The following LARGE1 variants were observed in gnomAD, a reference collection of about 807,000 sequenced individuals.
LARGE1 encodes LARGE xylosyl- and glucuronyltransferase 1.
A neutral mutation model predicts 87.6 loss-of-function variants in LARGE1; 43 were observed. The ratio of observed to expected loss-of-function variants is 0.49; its 90% CI spans 0.38 to 0.63. LARGE1 has a LOEUF of 0.63. LARGE1 is among the 30% of genes least tolerant of loss of function. The probability of loss-of-function intolerance (pLI) is 0.00; values close to 1 mark genes in which losing one functional copy is unlikely to be tolerated. For missense variants in LARGE1, 802 were observed against 1,000.2 expected (o/e 0.80, Z 2.67); for synonymous variants, 434 against 394.6 (o/e 1.10, Z -1.18).
intron 1 of LARGE1, among the ~76,000 whole-genome samples, chr22:33,916,203 C>T (rs1306149237): frequency 4.6e-5 from 7 of 152,050 alleles, no homozygotes; most frequent in Non-Finnish European, 8.8e-5. Context: ...ATTGCTTGAA[C>T]CCGGGAGGCG....
intron 12 of LARGE1, among the ~76,000 whole-genome samples, chr22:33,293,289 C>G (rs1293529537): frequency 6.6e-6 from 1 of 152,146 alleles, no homozygotes; most frequent in African/African-American, 2.4e-5. Flanking sequence ...GTTTCAAGCC[C>G]CATGCTAAGT....
chr22:33,495,875 G>A (rs2070090235), intron 6 of LARGE1, among the ~76,000 whole-genome samples: 1 of 152,214 alleles, frequency 6.6e-6, no homozygotes, highest in South Asian at 2.1e-4. Context: ...CTCCTATGTT[G>A]AAATCTAGTC....
chr22:33,719,678 G>A (rs537445299), intron 2 of LARGE1, among the ~76,000 whole-genome samples: 26 of 151,872 alleles, frequency 1.7e-4, no homozygotes, highest in South Asian at 8.3e-4. Flanking sequence ...CCACCACAAC[G>A]CCTGGCTAAT....
chr22:33,265,529 C>T (rs778929104), intron 11 of LARGE1, among the ~76,000 whole-genome samples: 24 of 152,076 alleles, frequency 1.6e-4, no homozygotes, highest in Non-Finnish European at 2.9e-4. Flanking sequence ...TTCCATGATC[C>T]CCGGCCTGGA....
At chr22:33,083,021 G>A in the LARGE1 span, among the ~76,000 whole-genome samples, 26 of 152,086 alleles carry the variant, frequency 1.7e-4, no homozygotes, top group Non-Finnish European at 2.4e-4. Flanking sequence ...TGAAGACTCC[G>A]TCTCAAAATA....
intron 6 of LARGE1, among the ~76,000 whole-genome samples, chr22:33,497,819 C>G (rs5754577): frequency 0.3 from 45,063 of 152,090 alleles, 7,063 homozygotes; most frequent in African/African-American, 0.38. Flanking sequence ...TTGCGTACTT[C>G]ATCTCAGTTC....
chr22:33,381,723 A>G (rs1178399161), intron 9 of LARGE1, among the ~76,000 whole-genome samples, 196 bp downstream of exon 9: 1 of 152,168 alleles, frequency 6.6e-6, no homozygotes, highest in Non-Finnish European at 1.5e-5. Flanking sequence ...AGGAGGCTTT[A>G]GGCTTTCCAG....
chr22:33,633,602 C>T (rs240601), intron 3 of LARGE1, among the ~76,000 whole-genome samples: 75,869 of 152,104 alleles, frequency 0.5, 20,918 homozygotes, highest in Middle Eastern at 0.67. Context: ...TTCTCTTGCC[C>T]ACAGGGCCTG....
In LARGE1 at chr22:33,699,152, A is replaced by C. The variant is rs1051162074; in HGVS notation, c.107-48484T>G. ...GTGAAAACATCTGCTCGGCAAGTAG[A>C]GAGCATTTTACAAGCTTTATTGTTT... On this transcript the variant is annotated intron_variant, in intron 2 of 14. Transcript: ENST00000397394. 1.5e-4 allele frequency among the ~76,000 whole-genome samples: 23 copies of C among 152,340 alleles called. 2 individuals are homozygous for C. Among genetic ancestry groups the C allele is most frequent in the African/African-American group, 3.1e-4 (13 of 41,584 alleles).
chr22:33,580,149 T>G lies in LARGE1; in HGVS notation c.616-15130A>C, dbSNP rs142936462. Among the ~76,000 whole-genome samples, 625 of 151,872 alleles carry G rather than the reference T, an allele frequency of 4.1e-3. 6 individuals carry two copies. The highest frequency in any genetic ancestry group is 0.014 in the African/African-American group (591 of 41,396). On this transcript the variant is annotated intron_variant, in intron 5 of 14. Transcript: ENST00000397394. The stretch of plus-strand genomic sequence containing the variant: ...ACTTTGGGAGGCCAAGGGGGGCAGA[T>G]CACCTGAGCTCGGGAGTTTGAGACC...
intron 2 of LARGE1, among the ~76,000 whole-genome samples, chr22:33,749,126 T>C (rs770960185): frequency 2.0e-5 from 3 of 152,242 alleles, no homozygotes; most frequent in Non-Finnish European, 4.4e-5. Context: ...CTCTCCTCTT[T>C]TTTTTGAGAT....
intron 9 of LARGE1, among the ~76,000 whole-genome samples, chr22:33,365,918 C>T (rs2064571188): frequency 6.6e-6 from 1 of 152,082 alleles, no homozygotes; most frequent in Non-Finnish European, 1.5e-5. Flanking sequence ...ACCTGGCCTG[C>T]TTTTCTCTTT....
chr22:33,441,637 T>C (rs2067482630), intron 6 of LARGE1, among the ~76,000 whole-genome samples: 1 of 152,036 alleles, frequency 6.6e-6, no homozygotes, highest in Non-Finnish European at 1.5e-5. Context: ...AAATTTTTTT[T>C]TGTAGACATG....
chr22:33,850,649 G>A (rs895813114), intron 1 of LARGE1, among the ~76,000 whole-genome samples: 4 of 151,984 alleles, frequency 2.6e-5, no homozygotes, highest in East Asian at 1.9e-4. Context: ...TCTTTAATAC[G>A]GTAGACTTTA....
chr22:33,453,086 A>C (rs573463037), intron 6 of LARGE1, among the ~76,000 whole-genome samples: 3 of 152,336 alleles, frequency 2.0e-5, no homozygotes, highest in East Asian at 3.9e-4. Flanking sequence ...TCATCTCTAC[A>C]GACAGGTTTG....
In LARGE1 at chr22:33,582,305, A is replaced by C. The variant is rs573913511; in HGVS notation, c.616-17286T>G. On this transcript the variant is annotated intron_variant, in intron 5 of 14. Coordinates refer to ENST00000397394, the MANE Select transcript of LARGE1 (RefSeq NM_133642.5). ...CTCAGAAAAAAATGGATGTGGATGA[A>C]AAGTCTTTGTCCTGGTACAGGAGAG... 3.6e-3 allele frequency among the ~76,000 whole-genome samples: 544 copies of C among 152,298 alleles called. 2 individuals carry two copies. The highest frequency in any genetic ancestry group is 6.4e-3 in the Non-Finnish European group (433 of 68,020).
intron 1 of LARGE1, among the ~76,000 whole-genome samples, chr22:33,843,511 A>C (rs574476731): frequency 6.6e-6 from 1 of 152,158 alleles, no homozygotes; most frequent in Non-Finnish European, 1.5e-5. Context: ...GTAGACAGGG[A>C]AAGAGTAGCG....
intron 6 of LARGE1, among the ~76,000 whole-genome samples, chr22:33,547,550 C>T (rs1264264441): frequency 6.6e-6 from 1 of 151,950 alleles, no homozygotes; most frequent in African/African-American, 2.4e-5. Context: ...AATCCCAGCA[C>T]TTTAGGAGGA....
At chr22:33,079,041 T>A in the LARGE1 span, among the ~76,000 whole-genome samples, 2 of 152,296 alleles carry the variant, frequency 1.3e-5, no homozygotes, top group Non-Finnish European at 2.9e-5. Flanking sequence ...AACCTGGCTC[T>A]ACTTGGTGTC....
Sources: gnomAD v4.1 joint callset for allele counts (sites outside exome capture counted in the v4.1 genomes callset) on GRCh38, gnomAD v4.1.1 for gene constraint, MANE v1.5 for transcripts, NCBI Gene and HGNC (gene_info 2026-07-23, HGNC 2026-07-21) for gene names.